Variants in CBFA2T2 observed in about 807,000 individuals in gnomAD.
CBFA2T2 encodes the protein CBFA2/RUNX1 partner transcriptional co-repressor 2, also known as protein CBFA2T2.
Under a neutral mutation model 62.2 loss-of-function variants are expected in CBFA2T2, and 11 were observed. The ratio of observed to expected loss-of-function variants is 0.18; its 90% CI spans 0.11 to 0.29. CBFA2T2 has a LOEUF of 0.29. Ranked by LOEUF, CBFA2T2 falls within the 10% of genes least tolerant of loss-of-function variation. CBFA2T2 has a pLI of 1.00. For synonymous variants in CBFA2T2, 295 were observed against 287.5 expected (o/e 1.03, Z -0.27); for missense variants, 592 against 774.1 (o/e 0.76, Z 2.79).
intron 6 of CBFA2T2, among the ~76,000 whole-genome samples, chr20:33,627,566 G>A: frequency 6.6e-6 from 1 of 152,072 alleles, no homozygotes; most frequent in East Asian, 1.9e-4. Context: ...TGGACCCCTG[G>A]GCTCAAGTGA....
intron 1 of CBFA2T2, among the ~76,000 whole-genome samples, chr20:33,579,585 G>T: frequency 6.7e-6 from 1 of 148,180 alleles, no homozygotes; most frequent in Admixed American, 6.7e-5. Flanking sequence ...TGGAGTGAGA[G>T]AGGATTGAGG....
intron 1 of CBFA2T2, among the ~76,000 whole-genome samples, chr20:33,534,219 T>C (rs1174607536): frequency 6.6e-6 from 1 of 152,238 alleles, no homozygotes; most frequent in Non-Finnish European, 1.5e-5. Flanking sequence ...TTTTCTAAAA[T>C]ATTTTCAAGT....
At position 33,573,446 on chromosome 20, in the gene CBFA2T2, G is replaced by T. The variant is rs143458969; in HGVS notation, c.35-33510G>T. 1.2e-4 allele frequency among the ~76,000 whole-genome samples: 18 copies of T among 151,938 alleles called. No homozygotes were observed. The East Asian group carries it at 3.5e-3, about 29-fold the overall frequency. ...TGTTCAGTACTGTATGTGACACATT[G>T]TTTCTCAGTTTTTGAGTACTACTTC... is the stretch of plus-strand genomic sequence containing the variant. On this transcript the variant is annotated intron_variant, in intron 1 of 10. Transcript: ENST00000342704.
In CBFA2T2 at chr20:33,649,479, G is replaced by GGGC. The variant is rs1239363921; in HGVS notation, c.*4836_*4838dup. The GGGC allele has an allele frequency of 1.3e-5, 2 of 152,650 alleles. No individual in the cohort carries two copies. Among genetic ancestry groups the GGGC allele is most frequent in the Non-Finnish European group, 2.9e-5 (2 of 68,062 alleles). 9.5% of individuals were successfully genotyped at this position (152,650 alleles called of 1,614,324 possible). On this transcript the variant is annotated 3_prime_UTR_variant, in exon 11 of 11. Transcript: ENST00000342704. ...CTAAGAGAAGGTTAGGAGGCCTGAG[G>GGGC]GGCGGGCCTTGTGTCCCCTCCTCCC...
chr20:33,552,924 G>C (rs1263227797), intron 1 of CBFA2T2, among the ~76,000 whole-genome samples: 1 of 152,024 alleles, frequency 6.6e-6, no homozygotes, highest in African/African-American at 2.4e-5. Flanking sequence ...TTTTTAACCT[G>C]ATCTACTTCT....
At chr20:33,514,732 C>G (rs1452768813) in intron 1 of CBFA2T2, among the ~76,000 whole-genome samples, 2 of 151,844 alleles carry the variant, frequency 1.3e-5, no homozygotes, top group Non-Finnish European at 2.9e-5. Context: ...AAGTCTTGCT[C>G]TGTCCTATAG....
chr20:33,607,445 T>C (rs1208820241), intron 2 of CBFA2T2, among the ~76,000 whole-genome samples: 1 of 152,238 alleles, frequency 6.6e-6, no homozygotes, highest in African/African-American at 2.4e-5. Context: ...CTAAAAATGT[T>C]CCAGTGCTGT....
chr20:33,606,917 T>G, intron 1 of CBFA2T2, 39 bp from the exon 2 acceptor site: 3 of 1,596,876 alleles, frequency 1.9e-6, no homozygotes, highest in Non-Finnish European at 2.6e-6. Flanking sequence ...TTGCAAACTT[T>G]TAGAAAACCC....
intron 2 of CBFA2T2, 137 bp from the exon 3 acceptor site, chr20:33,610,957 G>T: frequency 1.0e-6 from 1 of 988,222 alleles, no homozygotes; most frequent in East Asian, 2.4e-5. Flanking sequence ...ACTGAGGACA[G>T]AACCAGTTTT....
At chr20:33,592,374 T>TA (rs375363639) in intron 1 of CBFA2T2, among the ~76,000 whole-genome samples, 5,692 of 142,906 alleles carry the variant, frequency 0.04, 193 homozygotes, top group Non-Finnish European at 0.071. Context: ...AAAAAAAATT[T>TA]TATATATATA....
At chr20:33,517,726 A>G (rs1161788897) in intron 1 of CBFA2T2, among the ~76,000 whole-genome samples, 1 of 147,950 alleles carries the variant, frequency 6.8e-6, no homozygotes. Context: ...CTTGCTTGCA[A>G]CCTCCGCCTC....
At chr20:33,506,650 T>C (rs1394746716) in intron 1 of CBFA2T2, among the ~76,000 whole-genome samples, 1 of 152,188 alleles carries the variant, frequency 6.6e-6, no homozygotes, top group African/African-American at 2.4e-5. Flanking sequence ...AGATAGTGAT[T>C]AACCATCTTT....
chr20:33,515,131 C>T (rs1432898193), intron 1 of CBFA2T2, among the ~76,000 whole-genome samples: 1 of 151,626 alleles, frequency 6.6e-6, no homozygotes, highest in African/African-American at 2.4e-5. Flanking sequence ...GGTGGATCAC[C>T]TGAGGTCAGG....
chr20:33,532,300 TTCTG>T (rs1332196218), intron 1 of CBFA2T2, among the ~76,000 whole-genome samples: 1 of 152,210 alleles, frequency 6.6e-6, no homozygotes, highest in African/African-American at 2.4e-5. Flanking sequence ...AAAAGTGTAA[TTCTG>T]TCAAAGGTAC....
chr20:33,502,687 G>A (rs1390643388), intron 1 of CBFA2T2, among the ~76,000 whole-genome samples: 1 of 151,250 alleles, frequency 6.6e-6, no homozygotes, highest in Non-Finnish European at 1.5e-5. Context: ...ACAGGCGTGA[G>A]CCACCGTGCC....
chr20:33,503,258 T>TTTC (rs1478832541), intron 1 of CBFA2T2, among the ~76,000 whole-genome samples: 1 of 69,702 alleles, frequency 1.4e-5, no homozygotes. Flanking sequence ...TTCTTTCTTT[T>TTTC]TTTTTTTTTT....
At chr20:33,587,826 G>A (rs1446819685) in intron 1 of CBFA2T2, among the ~76,000 whole-genome samples, 1 of 152,158 alleles carries the variant, frequency 6.6e-6, no homozygotes, top group African/African-American at 2.4e-5. Context: ...GGCTGTTTTG[G>A]CATTTAAAGC....
intron 4 of CBFA2T2, among the ~76,000 whole-genome samples, chr20:33,619,942 A>G (rs1302170580): frequency 2.0e-5 from 3 of 152,156 alleles, no homozygotes; most frequent in Admixed American, 2.0e-4. Flanking sequence ...TCCTTTGGGT[A>G]TAGTCAGAGT....
chr20:33,496,779 A>G (rs932484145), intron 1 of CBFA2T2, among the ~76,000 whole-genome samples: 1 of 152,096 alleles, frequency 6.6e-6, no homozygotes, highest in African/African-American at 2.4e-5. Flanking sequence ...TTGAATAGGT[A>G]CCTTTTGTTT....
Sources: gnomAD v4.1 joint callset for allele counts (sites outside exome capture counted in the v4.1 genomes callset) on GRCh38, gnomAD v4.1.1 for gene constraint, MANE v1.5 for transcripts, NCBI Gene and HGNC (gene_info 2026-07-23, HGNC 2026-07-21) for gene names.